Variants in ARSJ observed in about 807,000 individuals in gnomAD.
The protein encoded by ARSJ is arylsulfatase J.
In ARSJ, 26 loss-of-function variants were observed where a neutral mutation model predicts 35.9. The observed-to-expected ratio is 0.72, with a 90% CI of 0.53 to 1.00. ARSJ has a LOEUF of 1.00. ARSJ is among the 50% of genes least tolerant of loss of function. ARSJ has a pLI of 0.00. For missense variants in ARSJ, 667 were observed against 723.6 expected, an observed-to-expected ratio of 0.92 and a Z score of 0.90; for synonymous variants, 294 against 267.6, an observed-to-expected ratio of 1.10 and a Z score of -0.96.
intron 1 of ARSJ, among the ~76,000 whole-genome samples, chr4:113,957,488 G>GT (rs1174281042): frequency 6.6e-6 from 1 of 152,054 alleles, no homozygotes; most frequent in Non-Finnish European, 1.5e-5. Context: ...CTTTAAAGTC[G>GT]TTTTTTCTGA....
At chr4:113,908,288 T>C (rs1425572825) in intron 1 of ARSJ, among the ~76,000 whole-genome samples, 2 of 146,406 alleles carry the variant, frequency 1.4e-5, no homozygotes, top group African/African-American at 5.0e-5. Context: ...AGAATACTCT[T>C]GTTGGTAGGA....
intron 1 of ARSJ, among the ~76,000 whole-genome samples, chr4:113,907,708 T>C (rs80085047): frequency 0.057 from 8,654 of 152,024 alleles, 325 homozygotes; most frequent in East Asian, 0.11. Context: ...AAATAGGAGA[T>C]TGGATAAAGA....
intron 1 of ARSJ, among the ~76,000 whole-genome samples, chr4:113,905,659 A>ATTTT: frequency 1.1e-5 from 1 of 87,770 alleles, no homozygotes; most frequent in Non-Finnish European, 2.6e-5. Context: ...TGTTCTTGAT[A>ATTTT]ATTTTTTTTT....
rs189739427 is a variant in ARSJ, at chr4:113,974,202, G to T, written c.398+4235C>A. Among the ~76,000 whole-genome samples the T allele has an allele frequency of 2.9e-3, 437 of 152,124 alleles. 5 individuals carry two copies. Among genetic ancestry groups the T allele is most frequent in the African/African-American group, 9.8e-3 (405 of 41,534 alleles). ...AAACTCTTAGGGATAAAAGACCATGGTCATGATCTTGGGGTAGGGAGAATC... is the reference window on the plus strand; with the variant it reads ...AAACTCTTAGGGATAAAAGACCATGTTCATGATCTTGGGGTAGGGAGAATC... On this transcript the variant is annotated intron_variant, in intron 1 of 1. Coordinates refer to ENST00000315366, the MANE Select transcript of ARSJ (RefSeq NM_024590.4).
chr4:113,920,238 T>C (rs1723584399), intron 1 of ARSJ, among the ~76,000 whole-genome samples: 1 of 152,162 alleles, frequency 6.6e-6, no homozygotes, highest in Non-Finnish European at 1.5e-5. Flanking sequence ...TATTCATGTT[T>C]GCATGAGTGT....
intron 1 of ARSJ, among the ~76,000 whole-genome samples, chr4:113,913,216 C>G (rs1339178324): frequency 2.0e-5 from 3 of 152,280 alleles, no homozygotes; most frequent in Admixed American, 1.3e-4. Context: ...CTTTCCTAGT[C>G]TCTGCTATTT....
At chr4:113,904,429 G>A (rs1417953087) in intron 1 of ARSJ, among the ~76,000 whole-genome samples, 1 of 152,122 alleles carries the variant, frequency 6.6e-6, no homozygotes, top group African/African-American at 2.4e-5. Context: ...TAACTCTTAA[G>A]TACTAAAAAT....
At chr4:113,974,435 T>C (rs912015087) in intron 1 of ARSJ, among the ~76,000 whole-genome samples, 1 of 151,902 alleles carries the variant, frequency 6.6e-6, no homozygotes, top group Non-Finnish European at 1.5e-5. Context: ...TACAAATATC[T>C]AACAAAGGAA....
chr4:113,905,660 A>AATT (rs2099668495), intron 1 of ARSJ, among the ~76,000 whole-genome samples: 1 of 81,850 alleles, frequency 1.2e-5, no homozygotes, highest in Non-Finnish European at 2.2e-5. Flanking sequence ...GTTCTTGATA[A>AATT]TTTTTTTTTT....
chr4:113,973,064 G>A (rs1039232133), intron 1 of ARSJ, among the ~76,000 whole-genome samples: 3 of 152,084 alleles, frequency 2.0e-5, no homozygotes, highest in African/African-American at 7.2e-5. Context: ...TCCCAGCACT[G>A]GCTCGCTGTC....
At chr4:113,968,302 AT>A (rs1202727331) in intron 1 of ARSJ, among the ~76,000 whole-genome samples, 1 of 152,260 alleles carries the variant, frequency 6.6e-6, no homozygotes, top group East Asian at 1.9e-4. Context: ...ATATTTATGT[AT>A]TTTTTAATTA....
chr4:113,966,321 T>C (rs1022197584), intron 1 of ARSJ, among the ~76,000 whole-genome samples: 4 of 149,262 alleles, frequency 2.7e-5, no homozygotes, highest in African/African-American at 9.9e-5. Flanking sequence ...TATACTCATT[T>C]ATGTGATGGT....
At chr4:113,920,627 A>C (rs1024160515) in intron 1 of ARSJ, among the ~76,000 whole-genome samples, 1 of 152,166 alleles carries the variant, frequency 6.6e-6, no homozygotes, top group Non-Finnish European at 1.5e-5. Context: ...ACCTTTGTTT[A>C]AAAAGACAAA....
At chr4:113,911,211 A>G (rs1412436911) in intron 1 of ARSJ, among the ~76,000 whole-genome samples, 1 of 152,176 alleles carries the variant, frequency 6.6e-6, no homozygotes, top group African/African-American at 2.4e-5. Flanking sequence ...AATTTAGAAT[A>G]TTAGAATATA....
chr4:113,948,986 G>A (rs111895993), intron 1 of ARSJ, among the ~76,000 whole-genome samples: 6,924 of 152,084 alleles, frequency 0.046, 251 homozygotes, highest in Middle Eastern at 0.11. Context: ...TGGCACATAC[G>A]CACCATGGAA....
chr4:113,938,202 G>T (rs371472831), intron 1 of ARSJ, among the ~76,000 whole-genome samples: 2 of 151,892 alleles, frequency 1.3e-5, no homozygotes, highest in South Asian at 2.1e-4. Context: ...ATAGACCAAT[G>T]GAACAGAATA....
chr4:113,922,120 A>T (rs1723721218), intron 1 of ARSJ, among the ~76,000 whole-genome samples: 1 of 152,144 alleles, frequency 6.6e-6, no homozygotes, highest in Non-Finnish European at 1.5e-5. Flanking sequence ...CATTTTAAAA[A>T]TCAAGGAAAT....
At chr4:113,971,102 A>T (rs80191571) in intron 1 of ARSJ, among the ~76,000 whole-genome samples, 3,183 of 152,290 alleles carry the variant, frequency 0.021, 130 homozygotes, top group East Asian at 0.16. Flanking sequence ...TGGGAATATA[A>T]CTAGAATTAT....
In ARSJ at chr4:113,902,270, G is replaced by T. The variant is rs375976255; in HGVS notation, c.*4C>A. 44 of 1,608,146 alleles carry T rather than the reference G, an allele frequency of 2.7e-5. No homozygotes were observed. Among genetic ancestry groups the T allele is most frequent in the Non-Finnish European group, 3.6e-5 (43 of 1,180,010 alleles). ...AAGTTTAACCAAACAGGAAATATTT[G>T]TGCTTATCCACAAGTAACACCTGAA... On this transcript the variant is annotated 3_prime_UTR_variant, in exon 2 of 2. Coordinates refer to ENST00000315366, the MANE Select transcript of ARSJ (RefSeq NM_024590.4).
Sources: gnomAD v4.1 joint callset for allele counts (sites outside exome capture counted in the v4.1 genomes callset) on GRCh38, gnomAD v4.1.1 for gene constraint, MANE v1.5 for transcripts, NCBI Gene and HGNC (gene_info 2026-07-23, HGNC 2026-07-21) for gene names.